Variants in TEK observed in about 807,000 individuals in gnomAD.
TEK encodes angiopoietin-1 receptor.
Under a neutral mutation model 131.8 loss-of-function variants are expected in TEK, and 43 were observed. The ratio of observed to expected loss-of-function variants is 0.33; its 90% CI spans 0.26 to 0.42. The LOEUF (loss-of-function observed/expected upper bound fraction) is 0.42. TEK is among the 10% of genes least tolerant of loss of function. The pLI is 1.00. For synonymous variants in TEK, 580 were observed against 491.6 expected, an observed-to-expected ratio of 1.18 and a Z score of -2.38; for missense variants, 1,162 against 1,384.4, an observed-to-expected ratio of 0.84 and a Z score of 2.55.
chr9:27,116,408 C>T (rs1030456154), intron 1 of TEK, among the ~76,000 whole-genome samples: 2 of 152,106 alleles, frequency 1.3e-5, no homozygotes, highest in African/African-American at 4.8e-5. Context: ...CCCACCTCAG[C>T]CTCCTGAATA....
intron 1 of TEK, among the ~76,000 whole-genome samples, chr9:27,146,505 G>A (rs1822922527): frequency 1.3e-5 from 2 of 152,094 alleles, no homozygotes; most frequent in South Asian, 4.1e-4. Context: ...TTCTTAGAAT[G>A]TCATATAAAT....
Position 27,173,445 on chromosome 9 carries a change from G to A in TEK, c.901+83G>A, listed in dbSNP as rs996352266. On this transcript the variant is annotated intron_variant, in intron 6 of 22. Transcript: ENST00000380036. ...CCAGTTTGCTGTCAATCACAACATCGGATATACCTGGACTGCTTAGCTACC... is the reference window on the plus strand; with the variant it reads ...CCAGTTTGCTGTCAATCACAACATCAGATATACCTGGACTGCTTAGCTACC... 32 of 1,559,506 alleles carry A rather than the reference G, an allele frequency of 2.1e-5. 1 individual carries two copies. The highest frequency in any genetic ancestry group is 6.7e-5 in the South Asian group (6 of 89,712).
At chr9:27,136,458 C>G (rs1564051342) in intron 1 of TEK, among the ~76,000 whole-genome samples, 1 of 152,154 alleles carries the variant, frequency 6.6e-6, no homozygotes. Context: ...CACTCTTATG[C>G]CTCTCTGTTC....
intron 1 of TEK, among the ~76,000 whole-genome samples, chr9:27,144,688 A>G (rs1281851869): frequency 1.3e-5 from 2 of 152,184 alleles, no homozygotes; most frequent in African/African-American, 2.4e-5. Flanking sequence ...TAATTCACAT[A>G]TGGCCTGGAA....
intron 1 of TEK, among the ~76,000 whole-genome samples, chr9:27,140,915 C>G (rs1425416711): frequency 1.3e-5 from 2 of 151,952 alleles, no homozygotes; most frequent in Non-Finnish European, 2.9e-5. Flanking sequence ...TGAGTTTTAC[C>G]TTGTCTGAAA....
chr9:27,198,671 G>T (rs1476154497), intron 12 of TEK, among the ~76,000 whole-genome samples: 3 of 152,282 alleles, frequency 2.0e-5, no homozygotes, highest in East Asian at 3.9e-4. Flanking sequence ...ATTTGTTGTT[G>T]ACTTATGTAA....
intron 1 of TEK, among the ~76,000 whole-genome samples, chr9:27,125,815 C>T (rs141233323): frequency 6.6e-6 from 1 of 152,268 alleles, no homozygotes; most frequent in East Asian, 1.9e-4. Flanking sequence ...TACCCTGCCT[C>T]CAAGAATCTG....
At chr9:27,162,439 T>A (rs1383828498) in intron 2 of TEK, among the ~76,000 whole-genome samples, 2 of 152,212 alleles carry the variant, frequency 1.3e-5, no homozygotes, top group African/African-American at 4.8e-5. Flanking sequence ...GTGATTTCAT[T>A]TGGGGGTAGG....
rs772087232 is a variant in TEK at position 27,220,088 on chromosome 9, A to G, written c.3143A>G (p.Tyr1048Cys). The change falls in exon 21 of 23, where the codon TAC (tyrosine) becomes TGC (cysteine). Residue 1048 changes from tyrosine to cysteine, a missense_variant. Transcript: ENST00000380036. ...PYCGMTCAELYEKLPQGYRLE... is the reference protein window; with the variant it reads ...PYCGMTCAELCEKLPQGYRLE... Reference sequence around the variant, plus strand: ...TGCGGGATGACTTGTGCAGAACTCTACGAGAAGCTGCCCCAGGGCTACAGA... The same window carrying G: ...TGCGGGATGACTTGTGCAGAACTCTGCGAGAAGCTGCCCCAGGGCTACAGA... 1 of 1,613,978 alleles carries G rather than the reference A, an allele frequency of 6.2e-7. No individual in the cohort carries two copies.
chr9:27,111,911 T>G (rs1039173780), intron 1 of TEK, among the ~76,000 whole-genome samples: 5 of 151,138 alleles, frequency 3.3e-5, no homozygotes, highest in African/African-American at 9.7e-5. Flanking sequence ...TTTTTTTTTT[T>G]TTTTTGAGAT....
intron 1 of TEK, among the ~76,000 whole-genome samples, chr9:27,137,106 C>T (rs910407008): frequency 2.0e-5 from 3 of 152,008 alleles, no homozygotes; most frequent in Non-Finnish European, 4.4e-5. Flanking sequence ...TCAGTAGAGA[C>T]GGGGTTTCAC....
At chr9:27,147,835 T>A (rs1822982017) in intron 1 of TEK, among the ~76,000 whole-genome samples, 1 of 152,232 alleles carries the variant, frequency 6.6e-6, no homozygotes, top group Admixed American at 6.5e-5. Context: ...GAAAACAACT[T>A]CATTGAATTG....
intron 1 of TEK, among the ~76,000 whole-genome samples, chr9:27,124,333 G>T (rs1821907959): frequency 6.6e-6 from 1 of 152,230 alleles, no homozygotes; most frequent in Non-Finnish European, 1.5e-5. Flanking sequence ...AGCAGCTGGG[G>T]CAGCTCTGCT....
intron 13 of TEK, among the ~76,000 whole-genome samples, chr9:27,204,650 A>G (rs1462866400): frequency 2.6e-5 from 4 of 151,262 alleles, no homozygotes; most frequent in African/African-American, 4.9e-5. Context: ...ACAAATGACA[A>G]CTAATGATTA....
At chr9:27,184,942 G>C (rs10967761) in intron 8 of TEK, among the ~76,000 whole-genome samples, 1 of 151,916 alleles carries the variant, frequency 6.6e-6, no homozygotes, top group African/African-American at 2.4e-5. Flanking sequence ...TGGGTGAGGT[G>C]GGGGGATCAC....
intron 22 of TEK, 121 bp from the exon 23 acceptor site, chr9:27,229,037 C>T (rs1041074999): frequency 3.6e-5 from 30 of 824,416 alleles, no homozygotes; most frequent in African/African-American, 3.0e-4. Context: ...AGAAAAGTAT[C>T]CCCCAAGTGC....
chr9:27,131,440 C>T (rs926420523), intron 1 of TEK, among the ~76,000 whole-genome samples: 1 of 147,096 alleles, frequency 6.8e-6, no homozygotes, highest in Non-Finnish European at 1.5e-5. Context: ...GATCATGCCA[C>T]TGCACTCCAG....
intron 15 of TEK, among the ~76,000 whole-genome samples, chr9:27,208,290 G>A (rs928678833): frequency 1.3e-5 from 2 of 152,024 alleles, no homozygotes; most frequent in Non-Finnish European, 2.9e-5. Flanking sequence ...TTCTAAGCAT[G>A]AGCAGCCATG....
intron 1 of TEK, among the ~76,000 whole-genome samples, chr9:27,121,094 A>G (rs1022590151): frequency 1.3e-5 from 2 of 152,088 alleles, no homozygotes; most frequent in South Asian, 4.1e-4. Flanking sequence ...GGCTGAGGCC[A>G]GCGAATCACC....
Sources: allele counts gnomAD v4.1 joint callset (sites outside exome capture counted in the v4.1 genomes callset), GRCh38; gene constraint gnomAD v4.1.1; transcripts MANE v1.5; gene names NCBI Gene and HGNC (gene_info 2026-07-23, HGNC 2026-07-21).